The following LRRC4C variants were observed in gnomAD, a reference collection of about 807,000 sequenced individuals.
LRRC4C encodes leucine-rich repeat-containing protein 4C.
A neutral mutation model predicts 33.6 loss-of-function variants in LRRC4C; 5 were observed. The observed-to-expected ratio is 0.15, with a 90% confidence interval of 0.08 to 0.31. The LOEUF is 0.31. Ranked by LOEUF, LRRC4C falls within the 10% of genes least tolerant of loss-of-function variation. The pLI, the probability that LRRC4C is intolerant of heterozygous loss-of-function variation, is 1.00. For synonymous variants in LRRC4C, 329 were observed against 302.0 expected, an observed-to-expected ratio of 1.09 and a Z score of -0.93; for missense variants, 560 against 796.7, an observed-to-expected ratio of 0.70 and a Z score of 3.58.
intron 6 of LRRC4C, among the ~76,000 whole-genome samples, chr11:40,125,275 T>G (rs1168890318): frequency 6.6e-6 from 1 of 152,148 alleles, no homozygotes; most frequent in Non-Finnish European, 1.5e-5. Flanking sequence ...TGTTTCTAGA[T>G]ATCGTTGAGG....
At chr11:40,389,067 G>A (rs1377556451) in intron 3 of LRRC4C, among the ~76,000 whole-genome samples, 2 of 152,104 alleles carry the variant, frequency 1.3e-5, no homozygotes, top group Non-Finnish European at 2.9e-5. Flanking sequence ...TATACTTTGA[G>A]TACTGTACTG....
chr11:40,866,188 G>A (rs11036107), intron 2 of LRRC4C, among the ~76,000 whole-genome samples: 11,610 of 138,136 alleles, frequency 0.084, 574 homozygotes, highest in Admixed American at 0.17. Context: ...AAAAAAAAGC[G>A]GTAAGAAATG....
intron 1 of LRRC4C, among the ~76,000 whole-genome samples, chr11:41,250,982 CTT>C (rs1243490666): frequency 3.9e-5 from 6 of 152,124 alleles, no homozygotes; most frequent in Non-Finnish European, 1.5e-5. Context: ...AGATAGTTCT[CTT>C]ATATTTTACA....
In LRRC4C at chr11:41,164,965, T is replaced by C. The variant is rs571479220; in HGVS notation, c.-495-231242A>G. On this transcript the variant is annotated intron_variant, in intron 1 of 6. Coordinates refer to ENST00000528697, the MANE Select transcript of LRRC4C (RefSeq NM_001258419.2). The stretch of plus-strand genomic sequence containing the variant: ...TTGTTCCTTGCTCTCCCAGGATCGA[T>C]TGTATCTTGGGTTAAAAGAACCTGC... Among the ~76,000 whole-genome samples the C allele has an allele frequency of 2.0e-5, 3 of 152,256 alleles. No homozygotes were observed. The South Asian group carries it at 6.2e-4, about 32-fold the overall frequency.
intron 1 of LRRC4C, among the ~76,000 whole-genome samples, chr11:41,430,480 C>T (rs1955193893): frequency 6.6e-6 from 1 of 152,058 alleles, no homozygotes; most frequent in Admixed American, 6.6e-5. Flanking sequence ...ATTATACTTG[C>T]CCTCAGGAAA....
At chr11:40,165,523 G>A (rs10837356) in intron 5 of LRRC4C, among the ~76,000 whole-genome samples, 59,361 of 152,014 alleles carry the variant, frequency 0.39, 11,950 homozygotes, top group South Asian at 0.48. Context: ...GAAAAACAAC[G>A]ACAAAAAATC....
chr11:41,409,854 T>C (rs146068725), intron 1 of LRRC4C, among the ~76,000 whole-genome samples: 24 of 152,372 alleles, frequency 1.6e-4, no homozygotes, highest in African/African-American at 5.8e-4. Context: ...TGAATATTTG[T>C]ATAGATAATG....
chr11:41,426,784 A>G (rs897455801), intron 1 of LRRC4C, among the ~76,000 whole-genome samples: 1 of 152,142 alleles, frequency 6.6e-6, no homozygotes, highest in Non-Finnish European at 1.5e-5. Context: ...AGTTACTCAT[A>G]TAACTAGAGT....
intron 3 of LRRC4C, among the ~76,000 whole-genome samples, chr11:40,535,726 C>T (rs1956444002): frequency 6.6e-6 from 1 of 152,158 alleles, no homozygotes; most frequent in Non-Finnish European, 1.5e-5. Context: ...GATGCCATCT[C>T]ATTAGACCAG....
intron 3 of LRRC4C, among the ~76,000 whole-genome samples, chr11:40,339,690 T>C (rs981002043): frequency 3.3e-5 from 5 of 152,202 alleles, no homozygotes; most frequent in Non-Finnish European, 5.9e-5. Flanking sequence ...CAGAAAATTT[T>C]TGTTAATCAT....
intron 5 of LRRC4C, among the ~76,000 whole-genome samples, chr11:40,235,106 AT>A (rs1370034130): frequency 6.6e-6 from 1 of 152,158 alleles, no homozygotes; most frequent in African/African-American, 2.4e-5. Flanking sequence ...TTAAGCAGCA[AT>A]TTCCTTAGTT....
At chr11:40,389,982 A>G (rs1949274338) in intron 3 of LRRC4C, among the ~76,000 whole-genome samples, 1 of 152,184 alleles carries the variant, frequency 6.6e-6, no homozygotes, top group African/African-American at 2.4e-5. Flanking sequence ...ATTCTAACTC[A>G]GGGCCATTAT....
intron 1 of LRRC4C, among the ~76,000 whole-genome samples, chr11:41,453,624 T>C (rs942922645): frequency 2.4e-4 from 36 of 151,988 alleles, no homozygotes; most frequent in African/African-American, 8.7e-4. Context: ...ATCTGTAGTA[T>C]GGGAATAATA....
In LRRC4C at chr11:41,229,448, G is replaced by T. The variant is rs557923565; in HGVS notation, c.-496+229983C>A. 1.2e-3 allele frequency among the ~76,000 whole-genome samples: 185 copies of T among 152,132 alleles called. 1 individual carries two copies. Among genetic ancestry groups the T allele is most frequent in the African/African-American group, 4.3e-3 (179 of 41,530 alleles). ...CGACTAATACAGGAGCATTTCAGGAGCCCCAGTCTATAGCAACGATCACCA... is the reference window on the plus strand; with the variant it reads ...CGACTAATACAGGAGCATTTCAGGATCCCCAGTCTATAGCAACGATCACCA... On this transcript the variant is annotated intron_variant, in intron 1 of 6. Transcript: ENST00000528697.
intron 3 of LRRC4C, among the ~76,000 whole-genome samples, chr11:40,357,475 A>G (rs1209288916): frequency 6.6e-6 from 1 of 152,142 alleles, no homozygotes; most frequent in Non-Finnish European, 1.5e-5. Context: ...TTTAATGTGC[A>G]CTTCAGTTCT....
At chr11:40,975,201 C>A (rs1424020300) in intron 1 of LRRC4C, among the ~76,000 whole-genome samples, 1 of 152,162 alleles carries the variant, frequency 6.6e-6, no homozygotes, top group Non-Finnish European at 1.5e-5. Context: ...ATTAAACAAG[C>A]ACATATGTGA....
intron 1 of LRRC4C, among the ~76,000 whole-genome samples, chr11:40,997,320 T>C (rs905639160): frequency 1.3e-5 from 2 of 152,014 alleles, no homozygotes; most frequent in Non-Finnish European, 2.9e-5. Context: ...TAAAGGGACA[T>C]AACCACAGGA....
At chr11:40,943,262 A>C (rs981149302) in intron 1 of LRRC4C, among the ~76,000 whole-genome samples, 6 of 152,176 alleles carry the variant, frequency 3.9e-5, no homozygotes, top group Non-Finnish European at 8.8e-5. Flanking sequence ...CTCTGCAGGC[A>C]GGTTATTTCC....
intron 1 of LRRC4C, among the ~76,000 whole-genome samples, chr11:40,937,706 G>C (rs976417384): frequency 1.3e-5 from 2 of 151,662 alleles, no homozygotes; most frequent in Admixed American, 6.6e-5. Flanking sequence ...GAAGTGGCGT[G>C]ATCATGGCTC....
Sources: allele counts gnomAD v4.1 joint callset (sites outside exome capture counted in the v4.1 genomes callset), GRCh38; gene constraint gnomAD v4.1.1; transcripts MANE v1.5; gene names NCBI Gene and HGNC (gene_info 2026-07-23, HGNC 2026-07-21).